Variants in ADAMTS12 observed in about 807,000 individuals in gnomAD.
ADAMTS12 encodes ADAM metallopeptidase with thrombospondin type 1 motif 12, also known as A disintegrin and metalloproteinase with thrombospondin motifs 12.
In ADAMTS12, 118 loss-of-function variants were observed where a neutral mutation model predicts 167.8. The observed-to-expected ratio is 0.70, with a 90% confidence interval of 0.61 to 0.82. The LOEUF (loss-of-function observed/expected upper bound fraction) is 0.82. ADAMTS12 is among the 40% of genes least tolerant of loss of function. The pLI, the probability that ADAMTS12 is intolerant of heterozygous loss-of-function variation, is 0.00. For synonymous variants in ADAMTS12, 704 were observed against 716.9 expected, an observed-to-expected ratio of 0.98 and a Z score of 0.29; for missense variants, 1,916 against 1,998.8, an observed-to-expected ratio of 0.96 and a Z score of 0.79.
chr5:33,755,534 T>G (rs761594161), intron 2 of ADAMTS12, among the ~76,000 whole-genome samples: 2 of 152,188 alleles, frequency 1.3e-5, no homozygotes, highest in African/African-American at 4.8e-5. Flanking sequence ...TTTACTTCAA[T>G]TAGTGACAGT....
At position 33,891,728 on chromosome 5, in the gene ADAMTS12, A is replaced by C; in HGVS notation, c.127+2T>G. 9 of 1,614,080 alleles carry C rather than the reference A, an allele frequency of 5.6e-6. No individual in the cohort carries two copies. Among genetic ancestry groups the C allele is most frequent in the Non-Finnish European group, 7.6e-6 (9 of 1,179,996 alleles). On this transcript the variant is annotated splice_donor_variant, in intron 1 of 23. Transcript: ENST00000504830. LOFTEE classifies it high-confidence loss of function. ...AAAAAGAAATAAAGAAGAGTCACTA[A>C]CCTTGCCTCCTGTCCGGGAAGCGAA...
At chr5:33,826,649 G>A (rs1376123116) in intron 2 of ADAMTS12, among the ~76,000 whole-genome samples, 2 of 151,746 alleles carry the variant, frequency 1.3e-5, no homozygotes, top group Non-Finnish European at 2.9e-5. Context: ...TATTCTTGAT[G>A]AAAATGTGTA....
At chr5:33,689,523 G>A (rs765098638) in intron 3 of ADAMTS12, among the ~76,000 whole-genome samples, 4 of 152,134 alleles carry the variant, frequency 2.6e-5, no homozygotes, top group Non-Finnish European at 5.9e-5. Context: ...GTCTACGAGT[G>A]CAGTAGGAGG....
At chr5:33,662,100 C>T in intron 5 of ADAMTS12, 60 bp from the exon 6 acceptor site, 9 of 1,582,714 alleles carry the variant, frequency 5.7e-6, no homozygotes, top group Non-Finnish European at 6.8e-6. Context: ...GGGACCATTG[C>T]ATTAGGCATT....
intron 16 of ADAMTS12, among the ~76,000 whole-genome samples, chr5:33,608,190 C>A (rs1738540152): frequency 6.6e-6 from 1 of 152,162 alleles, no homozygotes; most frequent in Admixed American, 6.5e-5. Context: ...TAGCACTGTG[C>A]CACACCTGGG....
chr5:33,654,369 A>T (rs1740967922), intron 7 of ADAMTS12, among the ~76,000 whole-genome samples: 1 of 152,138 alleles, frequency 6.6e-6, no homozygotes. Flanking sequence ...TGAAACCTGG[A>T]GGTTTTTATA....
Position 33,648,903 on chromosome 5 carries a change from A to G in ADAMTS12, c.1398T>C (p.Ile466=). ...PKKKGLKSKV[I]APGVIYDVHH... is the part of the protein sequence containing the mutation. ...GAACATCATAGATCACTCCGGGGGC[A>G]ATGACCTTGGACTTCAAGCCTTTCT... The change falls in exon 9 of 24, where the codon ATT becomes ATC. Residue 466 remains isoleucine, a synonymous_variant. Transcript: ENST00000504830. The G allele has an allele frequency of 6.2e-7, 1 of 1,614,090 alleles. No individual in the cohort carries two copies. The highest frequency in any genetic ancestry group is 8.5e-7 in the Non-Finnish European group (1 of 1,179,976).
intron 17 of ADAMTS12, 39 bp downstream of exon 17, chr5:33,595,895 A>G (rs754777892): frequency 1.2e-6 from 2 of 1,612,200 alleles, no homozygotes; most frequent in South Asian, 2.2e-5. Flanking sequence ...ACATCACTGT[A>G]GGCAGACACA....
intron 17 of ADAMTS12, among the ~76,000 whole-genome samples, chr5:33,595,657 C>A (rs1340528886): frequency 6.6e-6 from 1 of 152,200 alleles, no homozygotes; most frequent in African/African-American, 2.4e-5. Flanking sequence ...GGGTGATCCA[C>A]TTAGCACTCT....
chr5:33,880,337 T>C (rs1750382572), intron 2 of ADAMTS12, among the ~76,000 whole-genome samples: 1 of 152,344 alleles, frequency 6.6e-6, no homozygotes, highest in African/African-American at 2.4e-5. Flanking sequence ...GTTTATTATT[T>C]ATTAAACACT....
intron 17 of ADAMTS12, among the ~76,000 whole-genome samples, chr5:33,594,681 C>T (rs772022007): frequency 6.6e-6 from 1 of 152,162 alleles, no homozygotes; most frequent in Admixed American, 6.5e-5. Context: ...CACGGAGAGG[C>T]AATGACACAT....
intron 3 of ADAMTS12, among the ~76,000 whole-genome samples, chr5:33,744,357 C>T (rs572071423): frequency 6.6e-6 from 1 of 152,190 alleles, no homozygotes; most frequent in East Asian, 1.9e-4. Context: ...TGATGAAAAG[C>T]AAAGCTTCTT....
chr5:33,762,366 G>A (rs1283923995), intron 2 of ADAMTS12, among the ~76,000 whole-genome samples: 1 of 151,762 alleles, frequency 6.6e-6, no homozygotes, highest in African/African-American at 2.4e-5. Flanking sequence ...AAGTTAGCGG[G>A]GCGTGGTGGC....
In ADAMTS12 at chr5:33,576,314, C is replaced by A; in HGVS notation, c.3712G>T (p.Gly1238Trp). The change falls in exon 19 of 24, where the codon GGG (glycine) becomes TGG (tryptophan). Residue 1238 changes from glycine (G) to tryptophan (W), a missense_variant. Coordinates refer to ENST00000504830, the MANE Select transcript of ADAMTS12 (RefSeq NM_030955.4). Reference sequence around the variant, plus strand: ...TTGGCTGGCTTTTCAGTAACCATCCCCTCAACTCTGGGTGTCCCAGTTTCG... The same window carrying A: ...TTGGCTGGCTTTTCAGTAACCATCCACTCAACTCTGGGTGTCCCAGTTTCG... ...TSETGTPRVEGMVTEKPANTL... is the reference protein window; with the variant it reads ...TSETGTPRVEWMVTEKPANTL... The A allele has an allele frequency of 1.2e-6, 2 of 1,614,170 alleles. No homozygotes were observed. The highest frequency in any genetic ancestry group is 1.7e-6 in the Non-Finnish European group (2 of 1,180,024).
At chr5:33,676,260 T>C (rs1579825938) in intron 5 of ADAMTS12, among the ~76,000 whole-genome samples, 1 of 152,176 alleles carries the variant, frequency 6.6e-6, no homozygotes, top group Admixed American at 6.6e-5. Context: ...TTGTAAGCTC[T>C]CTCTATAATG....
chr5:33,801,054 G>A (rs1379809235), intron 2 of ADAMTS12, among the ~76,000 whole-genome samples: 1 of 152,144 alleles, frequency 6.6e-6, no homozygotes. Context: ...AGAAATTGAA[G>A]TGATGTAGCC....
chr5:33,626,248 G>A (rs553434166), intron 13 of ADAMTS12, among the ~76,000 whole-genome samples: 39 of 138,114 alleles, frequency 2.8e-4, no homozygotes, highest in African/African-American at 8.6e-4. Flanking sequence ...CAATAATGGT[G>A]GGGGGCAGGA....
At chr5:33,883,858 CT>C (rs1472461118) in intron 1 of ADAMTS12, among the ~76,000 whole-genome samples, 2 of 152,224 alleles carry the variant, frequency 1.3e-5, no homozygotes, top group African/African-American at 4.8e-5. Flanking sequence ...TAAGAAATGT[CT>C]GCTCCAATCT....
chr5:33,858,541 G>A (rs368289822), intron 2 of ADAMTS12, among the ~76,000 whole-genome samples: 31 of 151,616 alleles, frequency 2.0e-4, no homozygotes, highest in Middle Eastern at 3.2e-3. Flanking sequence ...ACCAGTAGTC[G>A]CAGCAACTTG....
Sources: allele counts gnomAD v4.1 joint callset (sites outside exome capture counted in the v4.1 genomes callset), GRCh38; gene constraint gnomAD v4.1.1; transcripts MANE v1.5; gene names NCBI Gene and HGNC (gene_info 2026-07-23, HGNC 2026-07-21).